NXN: variants seen among roughly 807,000 people sequenced by gnomAD.
The protein encoded by NXN is nucleoredoxin 1.
In NXN, 16 loss-of-function variants were observed where a neutral mutation model predicts 48.6. That is an observed-to-expected ratio of 0.33 (90% CI 0.22 to 0.50). The LOEUF is 0.50. Ranked by LOEUF, NXN falls within the 20% of genes least tolerant of loss-of-function variation. The probability of loss-of-function intolerance (pLI) is 0.98; values close to 1 mark genes in which losing one functional copy is unlikely to be tolerated. For missense variants in NXN, 492 were observed against 605.5 expected, an observed-to-expected ratio of 0.81 and a Z score of 1.97; for synonymous variants, 281 against 269.6, an observed-to-expected ratio of 1.04 and a Z score of -0.41.
At chr17:886,971 G>A (rs1318984988) in intron 1 of NXN, among the ~76,000 whole-genome samples, 1 of 151,986 alleles carries the variant, frequency 6.6e-6, no homozygotes, top group Non-Finnish European at 1.5e-5. Flanking sequence ...GAGTGCAGTG[G>A]AGTGATCATG....
At chr17:895,172 A>G (rs7406831) in intron 1 of NXN, among the ~76,000 whole-genome samples, 69,224 of 150,436 alleles carry the variant, frequency 0.46, 16,417 homozygotes, top group East Asian at 0.61. Flanking sequence ...ACCCACCACC[A>G]CGCCCAGCTA....
chr17:855,269 C>T lies in NXN; in HGVS notation c.361-29191G>A, dbSNP rs559491597. On this transcript the variant is annotated intron_variant, in intron 1 of 7. Coordinates refer to ENST00000336868, the MANE Select transcript of NXN (RefSeq NM_022463.5). The stretch of plus-strand genomic sequence containing the variant: ...TTCCAGCTTGAGCTACAGAGCGAGA[C>T]GTTATCTCAAATAAATACATAAATA... 9.2e-5 allele frequency among the ~76,000 whole-genome samples: 14 copies of T among 152,262 alleles called. No homozygotes were observed. In the East Asian group the frequency reaches 1.9e-3, roughly 21 times the overall value.
At chr17:973,805 G>T (rs772577705) in intron 1 of NXN, among the ~76,000 whole-genome samples, 1 of 151,718 alleles carries the variant, frequency 6.6e-6, no homozygotes, top group Non-Finnish European at 1.5e-5. Flanking sequence ...TCAGCCTCCC[G>T]AGTAGCTGGG....
chr17:944,444 T>G (rs2150609542), intron 1 of NXN, among the ~76,000 whole-genome samples: 1 of 152,324 alleles, frequency 6.6e-6, no homozygotes, highest in African/African-American at 2.4e-5. Flanking sequence ...CAACTGGAGC[T>G]GTTTTCCCAG....
intron 1 of NXN, chr17:864,031 T>G: frequency 1.3e-6 from 2 of 1,528,846 alleles, no homozygotes; most frequent in Non-Finnish European, 1.7e-6. Flanking sequence ...TGGGTTCCGG[T>G]GAAGGGACAC....
intron 1 of NXN, among the ~76,000 whole-genome samples, chr17:883,123 A>C (rs912912479): frequency 9.2e-5 from 14 of 152,150 alleles, no homozygotes; most frequent in African/African-American, 3.4e-4. Flanking sequence ...GGGGAAGGCT[A>C]CACCTGGCCA....
chr17:948,354 AAAC>A (rs1013662422), intron 1 of NXN, among the ~76,000 whole-genome samples: 26 of 152,174 alleles, frequency 1.7e-4, no homozygotes, highest in African/African-American at 6.3e-4. Context: ...AAAACAAAGG[AAAC>A]AAAACAGAAA....
chr17:900,508 C>T (rs1404549997), intron 1 of NXN, among the ~76,000 whole-genome samples: 1 of 152,124 alleles, frequency 6.6e-6, no homozygotes, highest in African/African-American at 2.4e-5. Context: ...AGGAGGAAAT[C>T]TCTTTCCTCC....
chr17:915,148 C>A (rs1171101825), intron 1 of NXN, among the ~76,000 whole-genome samples: 1 of 152,118 alleles, frequency 6.6e-6, no homozygotes, highest in Non-Finnish European at 1.5e-5. Context: ...ATTGGCCAGG[C>A]TGGCCTCGAA....
chr17:815,197 G>C (rs1336963690), intron 5 of NXN, among the ~76,000 whole-genome samples: 2 of 152,236 alleles, frequency 1.3e-5, no homozygotes, highest in Admixed American at 6.5e-5. Context: ...AGGCGATGAG[G>C]CACTCACAGT....
rs1177347421 is a variant in NXN, at chr17:979,693, G to A, written c.-15C>T. On this transcript the variant is annotated 5_prime_UTR_variant, in exon 1 of 8. Transcript: ENST00000336868. ...AAGCCCGACATCCTGGCCCACCGCA[G>A]GGCGGGCAGGCGGCTGCGACCCCGC... is the stretch of plus-strand genomic sequence containing the variant. 1 of 1,413,066 alleles carries A rather than the reference G, an allele frequency of 7.1e-7. No individual in the cohort carries two copies. The highest frequency in any genetic ancestry group is 9.2e-7 in the Non-Finnish European group (1 of 1,081,114). The allele number at this position is 1,413,066 out of a possible 1,614,324, so 87.5% of individuals were successfully genotyped here.
chr17:963,359 T>C (rs983776314), intron 1 of NXN, among the ~76,000 whole-genome samples: 5 of 152,018 alleles, frequency 3.3e-5, no homozygotes, highest in African/African-American at 7.2e-5. Flanking sequence ...TCCCAGCACA[T>C]TGGGAGGCCA....
chr17:872,205 G>A (rs60010836), intron 1 of NXN, among the ~76,000 whole-genome samples: 32,489 of 149,390 alleles, frequency 0.22, 3,983 homozygotes, highest in Middle Eastern at 0.35. Context: ...AGGGAGGGAG[G>A]GAGAGAGGGG....
intron 1 of NXN, among the ~76,000 whole-genome samples, chr17:840,645 C>CAG (rs138016313): frequency 0.047 from 7,202 of 152,266 alleles, 286 homozygotes; most frequent in East Asian, 0.24. Context: ...GGCCGGCGTG[C>CAG]AGACTTCTTA....
At chr17:813,694 C>A (rs139827039) in intron 5 of NXN, among the ~76,000 whole-genome samples, 8 of 152,102 alleles carry the variant, frequency 5.3e-5, no homozygotes, top group Non-Finnish European at 8.8e-5. Context: ...GCCGGCCGGG[C>A]GCGGTGGCTC....
chr17:870,462 G>C (rs567044562), intron 1 of NXN, among the ~76,000 whole-genome samples: 2 of 152,168 alleles, frequency 1.3e-5, no homozygotes, highest in Admixed American at 1.3e-4. Flanking sequence ...AAAAATCCTG[G>C]CTGAGTTCAG....
chr17:843,052 GA>G (rs1270488657), intron 1 of NXN, among the ~76,000 whole-genome samples: 188 of 114,848 alleles, frequency 1.6e-3, no homozygotes, highest in East Asian at 6.4e-3. Context: ...AAGAAAGAAA[GA>G]AAGAAGGAAG....
rs5818768 is a variant in NXN, at chr17:808,676, G to GTT, written c.821-3431_821-3430dup. Among the ~76,000 whole-genome samples, 176 of 128,970 alleles carry GTT rather than the reference G, an allele frequency of 1.4e-3. 9 individuals carry two copies. The highest frequency in any genetic ancestry group is 3.9e-3 in the African/African-American group (134 of 34,486). The allele number at this position is 128,970 out of a possible 152,430, so 84.6% of individuals were successfully genotyped here. ...AAGTATTGGCTATTATTATAAACCA[G>GTT]TTTTTTTTTTTTTTTTGAGACAGAG... On this transcript the variant is annotated intron_variant, in intron 5 of 7. Transcript: ENST00000336868.
At chr17:928,108 C>G (rs1024329699) in intron 1 of NXN, among the ~76,000 whole-genome samples, 1 of 151,976 alleles carries the variant, frequency 6.6e-6, no homozygotes, top group Admixed American at 6.6e-5. Context: ...AGAATGCAGA[C>G]GAAGGTGTTT....
Sources: gnomAD v4.1 joint callset for allele counts (sites outside exome capture counted in the v4.1 genomes callset) on GRCh38, gnomAD v4.1.1 for gene constraint, MANE v1.5 for transcripts, NCBI Gene and HGNC (gene_info 2026-07-23, HGNC 2026-07-21) for gene names.